The following WDR49 variants were observed in gnomAD, a reference collection of about 807,000 sequenced individuals.
The protein encoded by WDR49 is WD repeat domain 49.
In WDR49, 107 loss-of-function variants were observed where a neutral mutation model predicts 119.5. The ratio of observed to expected loss-of-function variants is 0.90; its 90% confidence interval spans 0.77 to 1.05. The LOEUF is 1.05. Ranked by LOEUF, WDR49 falls within the 50% of genes least tolerant of loss-of-function variation. WDR49 has a pLI of 0.00. For missense variants in WDR49, 1,240 were observed against 1,220.5 expected (o/e 1.02, Z -0.24); for synonymous variants, 425 against 418.8 (o/e 1.01, Z -0.18).
chr3:167,647,417 G>A (rs1718177908), intron 2 of WDR49, among the ~76,000 whole-genome samples: 1 of 152,168 alleles, frequency 6.6e-6, no homozygotes, highest in Admixed American at 6.5e-5. Context: ...CAGCACAAAG[G>A]CAGCAGGATT....
intron 17 of WDR49, among the ~76,000 whole-genome samples, chr3:167,502,239 G>A (rs1048693516): frequency 6.6e-6 from 1 of 152,132 alleles, no homozygotes; most frequent in Admixed American, 6.6e-5. Context: ...ACCAGAAGGT[G>A]GGCAAATGTT....
chr3:167,525,408 T>A (rs1253864864), intron 15 of WDR49, among the ~76,000 whole-genome samples: 1 of 152,148 alleles, frequency 6.6e-6, no homozygotes, highest in Non-Finnish European at 1.5e-5. Flanking sequence ...TTCTTTCTCT[T>A]GCCTGATTGC....
At position 167,602,150 on chromosome 3, in the gene WDR49, G is replaced by A. The variant is rs201698456; in HGVS notation, c.1252C>T (p.Leu418Phe). ...AVQFFVERKQ[L>F]FSFSKDKVLR... is the part of the protein sequence containing the mutation. ...ACTTTATCCTTGGAGAAGCTGAAAA[G>A]TTGTTTTCTTTCCACAAAGAATTGG... The change falls in exon 7 of 19, where the codon CTT (leucine) becomes TTT (phenylalanine). Residue 418 changes from leucine to phenylalanine, a missense_variant. Physicochemically the swap from Leu to Phe is conservative, Grantham distance 22 (BLOSUM62 0). Transcript: ENST00000682715. 6.2e-7 allele frequency: 1 copy of A among 1,600,034 alleles called. No homozygotes were observed. The highest frequency in any genetic ancestry group is 1.3e-5 in the African/African-American group (1 of 74,766).
intron 2 of WDR49, among the ~76,000 whole-genome samples, chr3:167,628,979 T>C (rs1044648769): frequency 6.6e-6 from 1 of 152,078 alleles, no homozygotes; most frequent in Non-Finnish European, 1.5e-5. Flanking sequence ...TAAATCTGGC[T>C]GGGCACAGTG....
intron 12 of WDR49, 112 bp from the exon 13 acceptor site, chr3:167,531,391 C>T (rs1752849757): frequency 8.4e-7 from 1 of 1,184,098 alleles, no homozygotes; most frequent in Non-Finnish European, 1.2e-6. Flanking sequence ...GACTCCAAGT[C>T]TCACAAGAGA....
chr3:167,480,934 T>C (rs1170450706), intron 18 of WDR49, among the ~76,000 whole-genome samples: 1 of 151,356 alleles, frequency 6.6e-6, no homozygotes, highest in African/African-American at 2.4e-5. Flanking sequence ...AATAGATGAG[T>C]CAGGGCTACC....
chr3:167,646,410 G>T (rs1197984019), intron 2 of WDR49, among the ~76,000 whole-genome samples: 1 of 152,162 alleles, frequency 6.6e-6, no homozygotes, highest in Non-Finnish European at 1.5e-5. Context: ...TGTTTATAGT[G>T]GGATTGAGGA....
intron 5 of WDR49, among the ~76,000 whole-genome samples, chr3:167,614,445 GAT>G (rs1308328520): frequency 6.6e-6 from 1 of 152,104 alleles, no homozygotes; most frequent in Non-Finnish European, 1.5e-5. Context: ...GGTTTCTAGT[GAT>G]ACTGTCTATA....
chr3:167,626,603 C>A (rs1405092857), intron 3 of WDR49, among the ~76,000 whole-genome samples: 1 of 152,044 alleles, frequency 6.6e-6, no homozygotes, highest in Non-Finnish European at 1.5e-5. Flanking sequence ...GTAAACTATA[C>A]AGGAGTAAAG....
intron 4 of WDR49, 33 bp from the exon 5 acceptor site, chr3:167,620,636 G>T: frequency 6.7e-7 from 1 of 1,498,610 alleles, no homozygotes; most frequent in Non-Finnish European, 8.9e-7. Flanking sequence ...CAACAATCGT[G>T]GACGGGATAT....
At chr3:167,532,312 A>G (rs1752877284) in intron 12 of WDR49, among the ~76,000 whole-genome samples, 2 of 152,172 alleles carry the variant, frequency 1.3e-5, no homozygotes, top group Admixed American at 6.5e-5. Flanking sequence ...GTATCTAAGG[A>G]AACTGAAATA....
intron 10 of WDR49, among the ~76,000 whole-genome samples, chr3:167,553,650 T>C (rs894338060): frequency 2.0e-5 from 3 of 152,102 alleles, no homozygotes; most frequent in Admixed American, 2.0e-4. Flanking sequence ...ATAGCGATCA[T>C]TAGATCATAG....
chr3:167,602,008 G>T, intron 7 of WDR49, 119 bp downstream of exon 7: 1 of 1,257,780 alleles, frequency 8.0e-7, no homozygotes, highest in Non-Finnish European at 1.1e-6. Flanking sequence ...AACATAAGTA[G>T]CTAGCCAGTA....
rs565997602 is a variant in WDR49 at position 167,575,948 on chromosome 3, A to C, written c.1479T>G (p.Thr493=). 6 of 1,614,192 alleles carry C rather than the reference A, an allele frequency of 3.7e-6. No individual in the cohort carries two copies. In the South Asian group the frequency reaches 6.6e-5, roughly 18 times the overall value. Residue 493 remains threonine, a synonymous_variant, in exon 8 of 19, where the codon ACT becomes ACG. Coordinates refer to ENST00000682715, the MANE Select transcript of WDR49 (RefSeq NM_001366157.1). ...KRVKSHEKAV[T]CVLYNSILKQ... ...TCAAGATAGAATTGTAAAGAACACA[A>C]GTGACTGCTTTCTCATGGCTTTTCA... is the stretch of plus-strand genomic sequence containing the variant.
At position 167,505,481 on chromosome 3, in the gene WDR49, C is replaced by T. The variant is rs995712185; in HGVS notation, c.2775-65G>A. On this transcript the variant is annotated intron_variant, in intron 16 of 18. Transcript: ENST00000682715. ...ACAGGGATGGAGAAACTCTTTCTGG[C>T]TATGTGTATCTTTGACCAAAAAAAA... 29 of 1,412,622 alleles carry T rather than the reference C, an allele frequency of 2.1e-5. No individual in the cohort carries two copies. The Admixed American group carries it at 7.4e-4, about 36-fold the overall frequency. The allele number at this position is 1,412,622 out of a possible 1,614,324, so 87.5% of individuals were successfully genotyped here. A position where few individuals can be genotyped will look rare whatever the true frequency, so the allele number is the denominator to read the frequency against.
chr3:167,646,095 T>C (rs1718115188), intron 2 of WDR49, among the ~76,000 whole-genome samples: 1 of 152,120 alleles, frequency 6.6e-6, no homozygotes, highest in South Asian at 2.1e-4. Flanking sequence ...AAGTAAAATA[T>C]GATCAGCATG....
At position 167,531,218 on chromosome 3, in the gene WDR49, G is replaced by A; in HGVS notation, c.2115C>T (p.Asp705=). ...GRSQPSHPMA[D]HSTTGVRNFE... is the part of the protein sequence containing the mutation. ...AGTTGCGGACTCCCGTGGTAGAATG[G>A]TCTGCCATGGGGTGGGAGGGTTGGC... Residue 705 remains aspartate, a synonymous_variant, in exon 13 of 19, where the codon GAC becomes GAT. Coordinates refer to ENST00000682715, the MANE Select transcript of WDR49 (RefSeq NM_001366157.1). The A allele has an allele frequency of 1.2e-6, 2 of 1,611,642 alleles. No homozygotes were observed. Among genetic ancestry groups the A allele is most frequent in the Non-Finnish European group, 8.5e-7 (1 of 1,179,576 alleles).
At chr3:167,523,611 T>A (rs1043083820) in intron 15 of WDR49, among the ~76,000 whole-genome samples, 3 of 152,166 alleles carry the variant, frequency 2.0e-5, no homozygotes, top group Non-Finnish European at 4.4e-5. Flanking sequence ...GTGTTCTAAT[T>A]GTTCAACTCT....
intron 8 of WDR49, among the ~76,000 whole-genome samples, chr3:167,565,002 T>C (rs1450087691): frequency 1.3e-5 from 2 of 152,174 alleles, no homozygotes; most frequent in East Asian, 3.8e-4. Flanking sequence ...AATTTTTTTT[T>C]GTTAGTGTTG....
Sources: gnomAD v4.1 joint callset for allele counts (sites outside exome capture counted in the v4.1 genomes callset) on GRCh38, gnomAD v4.1.1 for gene constraint, MANE v1.5 for transcripts, NCBI Gene and HGNC (gene_info 2026-07-23, HGNC 2026-07-21) for gene names.